The following CCSER1 variants were observed in gnomAD, a reference collection of about 807,000 sequenced individuals.
CCSER1 encodes coiled-coil serine rich protein 1.
A neutral mutation model predicts 82.0 loss-of-function variants in CCSER1; 41 were observed. The ratio of observed to expected loss-of-function variants is 0.50; its 90% CI spans 0.39 to 0.65. CCSER1 has a LOEUF of 0.65. CCSER1 is among the 30% of genes least tolerant of loss of function. The pLI, the probability that CCSER1 is intolerant of heterozygous loss-of-function variation, is 0.00. For missense variants in CCSER1, 1,119 were observed against 1,064.2 expected, an observed-to-expected ratio of 1.05 and a Z score of -0.72; for synonymous variants, 414 against 383.9, an observed-to-expected ratio of 1.08 and a Z score of -0.92.
intron 6 of CCSER1, among the ~76,000 whole-genome samples, chr4:90,701,552 T>C (rs866388010): frequency 1.3e-5 from 2 of 152,206 alleles, no homozygotes; most frequent in Non-Finnish European, 2.9e-5. Context: ...GGGGATGGCA[T>C]TGAATCTATA....
At chr4:90,781,769 AT>A in intron 7 of CCSER1, 4 of 965,152 alleles carry the variant, frequency 4.1e-6, no homozygotes, top group Non-Finnish European at 4.9e-6. Flanking sequence ...TGTTACTGAA[AT>A]ATTATCTTTT....
intron 10 of CCSER1, among the ~76,000 whole-genome samples, chr4:91,402,098 G>A (rs775354093): frequency 6.6e-6 from 1 of 152,166 alleles, no homozygotes; most frequent in Non-Finnish European, 1.5e-5. Context: ...TCTAACTGGT[G>A]TGAGATGGTA....
At chr4:90,435,124 C>T (rs1208048964) in intron 4 of CCSER1, among the ~76,000 whole-genome samples, 1 of 152,088 alleles carries the variant, frequency 6.6e-6, no homozygotes, top group Non-Finnish European at 1.5e-5. Flanking sequence ...ACAGTTTCCT[C>T]AGCTTTACTA....
intron 3 of CCSER1, among the ~76,000 whole-genome samples, chr4:90,327,873 C>G (rs1033393501): frequency 6.6e-6 from 1 of 151,914 alleles, no homozygotes; most frequent in African/African-American, 2.4e-5. Flanking sequence ...TGCCAATTTT[C>G]TTTTTTTTAA....
chr4:91,267,023 C>T (rs1692568514), intron 10 of CCSER1, among the ~76,000 whole-genome samples: 1 of 152,166 alleles, frequency 6.6e-6, no homozygotes, highest in African/African-American at 2.4e-5. Flanking sequence ...CCGGTCAAGA[C>T]AAACTTTGCA....
At chr4:91,522,238 A>G (rs528004137) in intron 10 of CCSER1, among the ~76,000 whole-genome samples, 1 of 152,112 alleles carries the variant, frequency 6.6e-6, no homozygotes, top group Non-Finnish European at 1.5e-5. Context: ...ATTGGTCTGT[A>G]TATCTGTTTT....
At chr4:91,213,853 CACG>C (rs1205689046) in intron 10 of CCSER1, among the ~76,000 whole-genome samples, 3 of 152,028 alleles carry the variant, frequency 2.0e-5, no homozygotes, top group Non-Finnish European at 4.4e-5. Context: ...CCCTCTGGAC[CACG>C]ACATTGTTGT....
At chr4:90,514,937 A>C (rs780823335) in intron 5 of CCSER1, among the ~76,000 whole-genome samples, 3 of 150,974 alleles carry the variant, frequency 2.0e-5, no homozygotes, top group South Asian at 4.2e-4. Flanking sequence ...GGTTCACTGC[A>C]ACCTCTGCCT....
chr4:91,373,708 C>G (rs2870311), intron 10 of CCSER1, among the ~76,000 whole-genome samples: 1 of 152,124 alleles, frequency 6.6e-6, no homozygotes, highest in East Asian at 1.9e-4. Flanking sequence ...AGTCACAGGT[C>G]TCTCACTTTC....
chr4:91,285,202 G>T (rs1002488041), intron 10 of CCSER1, among the ~76,000 whole-genome samples: 1 of 148,110 alleles, frequency 6.8e-6, no homozygotes, highest in South Asian at 2.1e-4. Flanking sequence ...CATTACGGCA[G>T]TATTAATTAA....
At chr4:91,468,859 C>T (rs1757102751) in intron 10 of CCSER1, among the ~76,000 whole-genome samples, 1 of 151,926 alleles carries the variant, frequency 6.6e-6, no homozygotes, top group Non-Finnish European at 1.5e-5. Flanking sequence ...AGATGTAAGC[C>T]ATTGACTCAT....
At chr4:90,705,054 T>A (rs1739043369) in intron 6 of CCSER1, among the ~76,000 whole-genome samples, 1 of 152,196 alleles carries the variant, frequency 6.6e-6, no homozygotes, top group Non-Finnish European at 1.5e-5. Flanking sequence ...GTGCTTTGAT[T>A]TTTAGAATTT....
chr4:91,329,070 A>G (rs1038669952), intron 10 of CCSER1, among the ~76,000 whole-genome samples: 4 of 152,200 alleles, frequency 2.6e-5, no homozygotes, highest in African/African-American at 9.6e-5. Flanking sequence ...TCCTTTATAA[A>G]TTACCCAGTC....
chr4:91,090,504 G>A (rs563005649), intron 10 of CCSER1, among the ~76,000 whole-genome samples: 38 of 152,158 alleles, frequency 2.5e-4, no homozygotes, highest in Non-Finnish European at 4.7e-4. Flanking sequence ...CTTACTACAG[G>A]ATGAGTGAAT....
intron 10 of CCSER1, among the ~76,000 whole-genome samples, chr4:91,182,504 C>T (rs1734137269): frequency 6.6e-6 from 1 of 152,140 alleles, no homozygotes; most frequent in African/African-American, 2.4e-5. Flanking sequence ...ATTTTATCTC[C>T]CCCTTTCTGC....
chr4:91,009,697 G>A (rs975961831), intron 9 of CCSER1, among the ~76,000 whole-genome samples: 1 of 151,994 alleles, frequency 6.6e-6, no homozygotes, highest in Non-Finnish European at 1.5e-5. Flanking sequence ...TGGTTGTTAT[G>A]AGGCTTACAT....
intron 10 of CCSER1, among the ~76,000 whole-genome samples, chr4:91,386,344 TAATA>T (rs1442828607): frequency 6.6e-6 from 1 of 152,086 alleles, no homozygotes; most frequent in African/African-American, 2.4e-5. Context: ...TAGCAAGGAA[TAATA>T]AATTGTTTAA....
intron 10 of CCSER1, among the ~76,000 whole-genome samples, chr4:91,236,200 A>G (rs533899096): frequency 5.3e-5 from 8 of 152,282 alleles, no homozygotes; most frequent in African/African-American, 1.9e-4. Flanking sequence ...ATAAAAAAAT[A>G]CTTTCAGCCG....
rs144335347 is a variant in CCSER1 at position 90,823,266 on chromosome 4, A to C, written c.2094+7421A>C. Among the ~76,000 whole-genome samples the C allele has an allele frequency of 3.7e-4, 56 of 152,168 alleles. No individual in the cohort carries two copies. The East Asian group carries it at 8.3e-3, about 23-fold the overall frequency. Reference sequence around the variant, plus strand: ...ACACATTTTTCCCCACACACTTTAAAATTTTTTTCAATTATCACATTTTTT... The same window carrying C: ...ACACATTTTTCCCCACACACTTTAACATTTTTTTCAATTATCACATTTTTT... On this transcript the variant is annotated intron_variant, in intron 8 of 10. Transcript: ENST00000509176.
Sources: allele counts gnomAD v4.1 joint callset (sites outside exome capture counted in the v4.1 genomes callset), GRCh38; gene constraint gnomAD v4.1.1; transcripts MANE v1.5; gene names NCBI Gene and HGNC (gene_info 2026-07-23, HGNC 2026-07-21).